Variants in CLSTN2 observed in about 807,000 individuals in gnomAD.
CLSTN2 encodes calsyntenin 2.
Under a neutral mutation model 101.2 loss-of-function variants are expected in CLSTN2, and 48 were observed. The observed-to-expected ratio is 0.47, with a 90% confidence interval of 0.38 to 0.60. The LOEUF is 0.60. CLSTN2 is among the 20% of genes least tolerant of loss of function. The probability of loss-of-function intolerance (pLI) is 0.00; values close to 1 mark genes in which losing one functional copy is unlikely to be tolerated. For synonymous variants in CLSTN2, 481 were observed against 463.6 expected, an observed-to-expected ratio of 1.04 and a Z score of -0.48; for missense variants, 1,160 against 1,238.2, an observed-to-expected ratio of 0.94 and a Z score of 0.95.
chr3:140,093,532 A>G (rs930033640), intron 1 of CLSTN2, among the ~76,000 whole-genome samples: 2 of 152,056 alleles, frequency 1.3e-5, no homozygotes, highest in East Asian at 1.9e-4. Flanking sequence ...CTGAATTTCA[A>G]TGTCCCCTAA....
intron 1 of CLSTN2, among the ~76,000 whole-genome samples, chr3:140,108,453 C>T (rs1263377338): frequency 1.3e-5 from 2 of 152,214 alleles, no homozygotes; most frequent in Non-Finnish European, 2.9e-5. Context: ...CCACCCCTCC[C>T]TGCCTCTTTC....
intron 2 of CLSTN2, among the ~76,000 whole-genome samples, chr3:140,219,232 A>G (rs1295312813): frequency 6.6e-6 from 1 of 152,024 alleles, no homozygotes; most frequent in Non-Finnish European, 1.5e-5. Flanking sequence ...CATAAAGAGT[A>G]GGGAAGAGGG....
chr3:140,010,816 T>G (rs996943640), intron 1 of CLSTN2, among the ~76,000 whole-genome samples: 2 of 152,268 alleles, frequency 1.3e-5, no homozygotes, highest in Non-Finnish European at 2.9e-5. Flanking sequence ...CAACACTGGC[T>G]TCATTGTTGT....
chr3:140,437,263 T>A (rs2088698422), intron 5 of CLSTN2, among the ~76,000 whole-genome samples: 1 of 152,028 alleles, frequency 6.6e-6, no homozygotes, highest in Non-Finnish European at 1.5e-5. Flanking sequence ...TTAGCCAGGA[T>A]GGTCTTGATC....
At position 140,261,042 on chromosome 3, in the gene CLSTN2, G is replaced by A. The variant is rs192749722; in HGVS notation, c.232+84969G>A. ...ACTACCATTGCTGTTAAACTAGGTC[G>A]TCTGGCTCAGGAAGTGTTTGTTAGG... On this transcript the variant is annotated intron_variant, in intron 2 of 16. Transcript: ENST00000458420. Among the ~76,000 whole-genome samples, 8 of 152,200 alleles carry A rather than the reference G, an allele frequency of 5.3e-5. No individual in the cohort carries two copies. In the East Asian group the frequency reaches 5.8e-4, roughly 11 times the overall value.
At chr3:140,287,290 C>T (rs2086904240) in intron 2 of CLSTN2, among the ~76,000 whole-genome samples, 2 of 152,134 alleles carry the variant, frequency 1.3e-5, no homozygotes, top group Admixed American at 6.6e-5. Flanking sequence ...GTGCACATCG[C>T]ATATGATTCC....
chr3:140,432,641 G>A (rs893829575), intron 5 of CLSTN2, among the ~76,000 whole-genome samples: 1 of 152,198 alleles, frequency 6.6e-6, no homozygotes, highest in Non-Finnish European at 1.5e-5. Flanking sequence ...TGTACAGGAT[G>A]CTGATTTACC....
chr3:140,460,939 C>G (rs1310103032), intron 7 of CLSTN2: 1 of 152,144 alleles, frequency 6.6e-6, no homozygotes. Flanking sequence ...AAGGCATGAT[C>G]TTTGAGGAGT....
At chr3:140,042,623 A>G (rs2007783778) in intron 1 of CLSTN2, among the ~76,000 whole-genome samples, 2 of 152,146 alleles carry the variant, frequency 1.3e-5, no homozygotes, top group South Asian at 2.1e-4. Flanking sequence ...TGCTGCACCC[A>G]TTAACTCATC....
chr3:140,423,497 A>T (rs1446674400), intron 5 of CLSTN2, among the ~76,000 whole-genome samples: 1 of 152,226 alleles, frequency 6.6e-6, no homozygotes, highest in Admixed American at 6.5e-5. Context: ...AATTCCCTGC[A>T]TCCATTCATA....
At chr3:140,506,489 T>G (rs748381185) in intron 8 of CLSTN2, among the ~76,000 whole-genome samples, 7 of 152,170 alleles carry the variant, frequency 4.6e-5, no homozygotes, top group Admixed American at 1.3e-4. Context: ...AATTTAGCAC[T>G]AGGTACCCAG....
intron 2 of CLSTN2, among the ~76,000 whole-genome samples, chr3:140,252,410 A>G (rs1359136672): frequency 2.6e-5 from 4 of 152,200 alleles, no homozygotes; most frequent in Non-Finnish European, 5.9e-5. Flanking sequence ...GGCCTTATCC[A>G]GTGCTTGCTG....
At chr3:140,306,672 T>C (rs949151481) in intron 2 of CLSTN2, among the ~76,000 whole-genome samples, 2 of 152,110 alleles carry the variant, frequency 1.3e-5, no homozygotes, top group African/African-American at 4.8e-5. Flanking sequence ...TCATTCACGC[T>C]GTGTGTTCTG....
chr3:140,015,687 C>T (rs1172309395), intron 1 of CLSTN2, among the ~76,000 whole-genome samples: 1 of 152,220 alleles, frequency 6.6e-6, no homozygotes, highest in Admixed American at 6.5e-5. Flanking sequence ...GTTTGATTTA[C>T]CTGTTTATTT....
chr3:140,078,257 A>G (rs983591443), intron 1 of CLSTN2, among the ~76,000 whole-genome samples: 1 of 152,212 alleles, frequency 6.6e-6, no homozygotes, highest in Non-Finnish European at 1.5e-5. Context: ...CTCAATGGGT[A>G]AAACATTGAA....
intron 2 of CLSTN2, among the ~76,000 whole-genome samples, chr3:140,197,626 G>C (rs1193472115): frequency 6.6e-6 from 1 of 152,120 alleles, no homozygotes; most frequent in Non-Finnish European, 1.5e-5. Context: ...TCAGAAGCTT[G>C]TTAACAATGT....
At chr3:140,143,324 A>T (rs1403522247) in intron 1 of CLSTN2, among the ~76,000 whole-genome samples, 1 of 152,158 alleles carries the variant, frequency 6.6e-6, no homozygotes, top group African/African-American at 2.4e-5. Context: ...GGTATAATTC[A>T]TCTGAGTCTG....
intron 1 of CLSTN2, among the ~76,000 whole-genome samples, chr3:140,019,595 A>G (rs1035296615): frequency 2.0e-5 from 3 of 152,196 alleles, no homozygotes; most frequent in Non-Finnish European, 4.4e-5. Context: ...TGTCAGACAT[A>G]TTTCCAGGCA....
chr3:139,957,547 A>C (rs942320727), intron 1 of CLSTN2, among the ~76,000 whole-genome samples: 2 of 151,880 alleles, frequency 1.3e-5, no homozygotes, highest in African/African-American at 4.8e-5. Flanking sequence ...GAGCTATGTG[A>C]AGGTGCAGGG....
Sources: allele counts gnomAD v4.1 joint callset (sites outside exome capture counted in the v4.1 genomes callset), GRCh38; gene constraint gnomAD v4.1.1; transcripts MANE v1.5; gene names NCBI Gene and HGNC (gene_info 2026-07-23, HGNC 2026-07-21).